SNTG2: variants seen among roughly 807,000 people sequenced by gnomAD.
SNTG2 encodes the protein syntrophin gamma 2.
Under a neutral mutation model 70.9 loss-of-function variants are expected in SNTG2, and 74 were observed. That is an observed-to-expected ratio of 1.04 (90% CI 0.86 to 1.27). The LOEUF (loss-of-function observed/expected upper bound fraction) is 1.27, where lower values mean the gene tolerates loss of function less well. SNTG2 is among the 50% of genes most tolerant of loss of function. The probability of loss-of-function intolerance (pLI) is 0.00; values close to 1 mark genes in which losing one functional copy is unlikely to be tolerated. For synonymous variants in SNTG2, 278 were observed against 273.8 expected, an observed-to-expected ratio of 1.02 and a Z score of -0.15; for missense variants, 717 against 690.7, an observed-to-expected ratio of 1.04 and a Z score of -0.43.
rs10187345 is a variant in SNTG2 at position 1,256,851 on chromosome 2, A to G, written c.1006-2519A>G. On this transcript the variant is annotated intron_variant, in intron 12 of 16. Transcript: ENST00000308624. The stretch of plus-strand genomic sequence containing the variant: ...CTCTGGGACTTGGAAGAGGGGAGGG[A>G]GACCTGCCACGGCTGTCAGGAAAAG... Among the ~76,000 whole-genome samples the G allele has an allele frequency of 2.6e-3, 401 of 152,190 alleles. 1 individual carries two copies. Among genetic ancestry groups the G allele is most frequent in the Non-Finnish European group, 4.5e-3 (306 of 68,000 alleles).
chr2:1,011,799 CTAAAAAACACATT>C (rs535098829), intron 1 of SNTG2, among the ~76,000 whole-genome samples: 10 of 151,914 alleles, frequency 6.6e-5, no homozygotes, highest in African/African-American at 2.4e-4. Flanking sequence ...TTATTATCAA[CTAAAAAACACATT>C]TAAAAAACAC....
At chr2:1,242,867 A>C (rs1677141005) in intron 11 of SNTG2, 1 of 152,220 alleles carries the variant, frequency 6.6e-6, no homozygotes, top group Non-Finnish European at 1.5e-5. Context: ...ATATTTCTTT[A>C]TTATAATGGT....
chr2:1,228,999 T>G (rs563732653), intron 9 of SNTG2, among the ~76,000 whole-genome samples: 5 of 152,158 alleles, frequency 3.3e-5, no homozygotes, highest in Admixed American at 1.3e-4. Context: ...GGGCTCGTGG[T>G]CTCTCTGGCT....
intron 1 of SNTG2, among the ~76,000 whole-genome samples, chr2:1,000,658 A>ACAGTTT (rs1211883873): frequency 6.6e-6 from 1 of 151,872 alleles, no homozygotes; most frequent in African/African-American, 2.4e-5. Context: ...CCAGGATCAG[A>ACAGTTT]CAGTTTCACA....
chr2:1,080,749 T>C (rs2148163028), intron 1 of SNTG2, among the ~76,000 whole-genome samples: 1 of 152,192 alleles, frequency 6.6e-6, no homozygotes, highest in African/African-American at 2.4e-5. Context: ...TGGGTGTGTG[T>C]GCAGGTGGTT....
intron 1 of SNTG2, among the ~76,000 whole-genome samples, chr2:1,051,726 C>T (rs995383778): frequency 1.3e-5 from 2 of 152,194 alleles, no homozygotes; most frequent in Non-Finnish European, 2.9e-5. Flanking sequence ...CTAAAGCCTC[C>T]GGCAGCCACC....
chr2:1,144,400 G>A (rs1052746320), intron 6 of SNTG2, among the ~76,000 whole-genome samples: 1 of 152,082 alleles, frequency 6.6e-6, no homozygotes, highest in Non-Finnish European at 1.5e-5. Flanking sequence ...CCCGACAACA[G>A]CAGAATAACA....
chr2:1,074,866 A>G (rs4493300), intron 1 of SNTG2, among the ~76,000 whole-genome samples: 124,526 of 152,204 alleles, frequency 0.82, 50,988 homozygotes, highest in Admixed American at 0.89. Flanking sequence ...AAGAGAAACA[A>G]TAGTTTTTAG....
intron 4 of SNTG2, among the ~76,000 whole-genome samples, chr2:1,116,982 T>A (rs1375899761): frequency 4.4e-5 from 6 of 136,992 alleles, no homozygotes; most frequent in Non-Finnish European, 9.2e-5. Context: ...CTCTGGCATG[T>A]GGGTGCTCTG....
chr2:1,066,965 C>T (rs868212748), intron 1 of SNTG2, among the ~76,000 whole-genome samples: 1 of 152,154 alleles, frequency 6.6e-6, no homozygotes, highest in African/African-American at 2.4e-5. Flanking sequence ...CCCAGCACTG[C>T]ACTGTACGTT....
intron 2 of SNTG2, among the ~76,000 whole-genome samples, chr2:1,093,698 C>T (rs1665183260): frequency 6.6e-6 from 1 of 152,212 alleles, no homozygotes. Flanking sequence ...TAAAACTAAC[C>T]ACCTTGGTAT....
At chr2:1,077,988 A>G (rs568051812) in intron 1 of SNTG2, among the ~76,000 whole-genome samples, 2 of 151,930 alleles carry the variant, frequency 1.3e-5, no homozygotes, top group Non-Finnish European at 2.9e-5. Context: ...GGTGGATTTT[A>G]TGTTTTCATG....
chr2:1,043,511 G>A (rs1661560461), intron 1 of SNTG2, among the ~76,000 whole-genome samples: 1 of 152,102 alleles, frequency 6.6e-6, no homozygotes, highest in African/African-American at 2.4e-5. Flanking sequence ...GTCCAGAATA[G>A]TATTTCCAAG....
chr2:1,156,156 T>C (rs1669882687), intron 6 of SNTG2, among the ~76,000 whole-genome samples: 1 of 152,134 alleles, frequency 6.6e-6, no homozygotes, highest in African/African-American at 2.4e-5. Flanking sequence ...AAGGGTTTCA[T>C]GGTAGAAGGG....
At chr2:1,364,372 G>A (rs941808487) in intron 16 of SNTG2, among the ~76,000 whole-genome samples, 1 of 152,018 alleles carries the variant, frequency 6.6e-6, no homozygotes, top group African/African-American at 2.4e-5. Context: ...CATTATTACT[G>A]GTAGCTGTTT....
intron 13 of SNTG2, among the ~76,000 whole-genome samples, chr2:1,262,628 ACCCAAAGGCTCAGT>A (rs1452688159): frequency 6.6e-6 from 1 of 152,144 alleles, no homozygotes; most frequent in Non-Finnish European, 1.5e-5. Context: ...AGACGAGGAA[ACCCAAAGGCTCAGT>A]CCAGACGTAG....
chr2:1,291,206 T>C (rs538791156), intron 14 of SNTG2, among the ~76,000 whole-genome samples: 4 of 152,296 alleles, frequency 2.6e-5, no homozygotes, highest in Admixed American at 6.5e-5. Context: ...GGTTGTTTGC[T>C]TGTTTTCTTC....
chr2:1,048,260 A>G (rs1558340323), intron 1 of SNTG2, among the ~76,000 whole-genome samples: 1 of 152,184 alleles, frequency 6.6e-6, no homozygotes, highest in African/African-American at 2.4e-5. Flanking sequence ...TGTCCAAATC[A>G]TATGAATAGC....
chr2:1,288,192 C>T (rs55648800), intron 14 of SNTG2, among the ~76,000 whole-genome samples: 48,056 of 152,000 alleles, frequency 0.32, 8,198 homozygotes, highest in Middle Eastern at 0.46. Flanking sequence ...GTTTTTTGGG[C>T]GGCACTTATG....
Sources: gnomAD v4.1 joint callset for allele counts (sites outside exome capture counted in the v4.1 genomes callset) on GRCh38, gnomAD v4.1.1 for gene constraint, MANE v1.5 for transcripts, NCBI Gene and HGNC (gene_info 2026-07-23, HGNC 2026-07-21) for gene names.